Variants in GINM1 observed in about 807,000 individuals in gnomAD.
GINM1 encodes the protein glycosylated integral membrane protein 1, also known as glycoprotein integral membrane protein 1.
Under a neutral mutation model 37.8 loss-of-function variants are expected in GINM1, and 29 were observed. That is an observed-to-expected ratio of 0.77 (90% confidence interval 0.57 to 1.05). The LOEUF is 1.05. Among genes scored for constraint, GINM1 ranks in the 50% least tolerant of loss-of-function variants. The pLI is 0.00. For synonymous variants in GINM1, 143 were observed against 146.2 expected, an observed-to-expected ratio of 0.98 and a Z score of 0.16; for missense variants, 377 against 397.9, an observed-to-expected ratio of 0.95 and a Z score of 0.45.
intron 7 of GINM1, among the ~76,000 whole-genome samples, chr6:149,590,266 A>G (rs1183018992): frequency 1.3e-5 from 2 of 152,222 alleles, no homozygotes; most frequent in African/African-American, 4.8e-5. Context: ...TGATGTTCTT[A>G]TTAGAATAAC....
At chr6:149,570,146 A>G (rs1220418327) in intron 1 of GINM1, among the ~76,000 whole-genome samples, 1 of 8,394 alleles carries the variant, frequency 1.2e-4, no homozygotes. Flanking sequence ...TTATATATAT[A>G]TATATATATA....
intron 7 of GINM1, among the ~76,000 whole-genome samples, chr6:149,587,004 TC>T (rs1778079376): frequency 6.6e-6 from 1 of 152,134 alleles, no homozygotes; most frequent in African/African-American, 2.4e-5. Flanking sequence ...GGTCTCAAAC[TC>T]CTGGGGTCAA....
intron 3 of GINM1, among the ~76,000 whole-genome samples, chr6:149,573,602 G>A (rs371988886): frequency 3.9e-5 from 6 of 152,168 alleles, no homozygotes; most frequent in Middle Eastern, 3.4e-3. Context: ...GCATAGAGGC[G>A]GGGCATGGCG....
intron 7 of GINM1, among the ~76,000 whole-genome samples, chr6:149,586,010 C>T (rs947990525): frequency 3.3e-5 from 5 of 152,118 alleles, no homozygotes; most frequent in African/African-American, 1.2e-4. Flanking sequence ...ATTTCTTGTT[C>T]AGTGTTAGTT....
chr6:149,576,575 G>C (rs1777917763), intron 3 of GINM1, among the ~76,000 whole-genome samples: 1 of 151,916 alleles, frequency 6.6e-6, no homozygotes, highest in Non-Finnish European at 1.5e-5. Flanking sequence ...AGATAGCAAG[G>C]CTGTCTCTTT....
chr6:149,569,140 T>C (rs1777769367), intron 1 of GINM1, among the ~76,000 whole-genome samples: 1 of 152,042 alleles, frequency 6.6e-6, no homozygotes, highest in African/African-American at 2.4e-5. Flanking sequence ...TTCAAGTGAT[T>C]CTCCTGCCTC....
intron 3 of GINM1, among the ~76,000 whole-genome samples, chr6:149,576,624 CGATA>C (rs751281623): frequency 1.2e-4 from 18 of 151,920 alleles, no homozygotes; most frequent in Non-Finnish European, 1.8e-4. Flanking sequence ...ATTCATAGAT[CGATA>C]GATAGATAGG....
rs1310567140 is a variant in GINM1, at chr6:149,566,712, A to G, written c.120+178A>G. On this transcript the variant is annotated intron_variant, in intron 1 of 7. Transcript: ENST00000367419. The surrounding 1 kb of genome is among the most constrained non-coding windows in gnomAD (Gnocchi z 4.4). ...GGGGGCGGCGTGGGAGGCCGAGGTA[A>G]GAGGAAAGGGACCCACTGGGGCTGC... 6.6e-6 allele frequency among the ~76,000 whole-genome samples: 1 copy of G among 152,060 alleles called. No individual in the cohort carries two copies. The highest frequency in any genetic ancestry group is 1.5e-5 in the Non-Finnish European group (1 of 67,984).
chr6:149,589,861 C>G (rs544266928), intron 7 of GINM1, among the ~76,000 whole-genome samples: 1 of 152,024 alleles, frequency 6.6e-6, no homozygotes, highest in African/African-American at 2.4e-5. Context: ...TGCAGTGGCA[C>G]GATCTCGGCT....
chr6:149,577,940 C>T (rs1037754025), intron 3 of GINM1: 2 of 152,168 alleles, frequency 1.3e-5, no homozygotes, highest in African/African-American at 2.4e-5. Context: ...TAGAGAAGAA[C>T]GTGGACAATA....
chr6:149,586,987 C>A (rs1778079235), intron 7 of GINM1, among the ~76,000 whole-genome samples: 1 of 151,932 alleles, frequency 6.6e-6, no homozygotes, highest in African/African-American at 2.4e-5. Flanking sequence ...CCAGGTTGGC[C>A]CAGGCTGGTC....
chr6:149,589,711 T>C (rs577777991), intron 7 of GINM1, among the ~76,000 whole-genome samples: 13 of 152,382 alleles, frequency 8.5e-5, no homozygotes, highest in Admixed American at 2.6e-4. Flanking sequence ...TAAATTTCCA[T>C]ATATGTTAGT....
intron 3 of GINM1, among the ~76,000 whole-genome samples, chr6:149,573,060 C>T (rs1306695297): frequency 2.6e-5 from 4 of 152,146 alleles, no homozygotes; most frequent in Admixed American, 1.3e-4. Flanking sequence ...CAGTGGCTCA[C>T]GCCTGTAATC....
intron 7 of GINM1, among the ~76,000 whole-genome samples, chr6:149,587,292 A>G (rs1345783254): frequency 6.6e-6 from 1 of 152,192 alleles, no homozygotes; most frequent in Non-Finnish European, 1.5e-5. Context: ...AGTGGACACC[A>G]GCTGGGTGTC....
chr6:149,580,721 A>G lies in GINM1; in HGVS notation c.715A>G (p.Lys239Glu), dbSNP rs1383681828. Residue 239 changes from lysine (K) to glutamate (E), a missense_variant and splice_region_variant, in exon 6 of 8, where the codon AAG becomes GAG. By Grantham distance (56) the Lys-to-Glu change is moderately conservative. Coordinates refer to ENST00000367419, the MANE Select transcript of GINM1 (RefSeq NM_138785.5). ...PLRAEPPSSY[K>E]VMCQWMEKFR... ...CAGAGCAGAGCCGCCATCTTCATAT[A>G]AGGTAAATCAAGTATTTGGTGTTAT... 2 of 1,613,462 alleles carry G rather than the reference A, an allele frequency of 1.2e-6. No homozygotes were observed. Among genetic ancestry groups the G allele is most frequent in the Non-Finnish European group, 8.5e-7 (1 of 1,179,624 alleles).
chr6:149,590,739 G>A lies in GINM1; in HGVS notation c.894G>A (p.Gln298=). The change falls in exon 8 of 8, where the codon CAG becomes CAA. Residue 298 remains glutamine (Q), a synonymous_variant. Coordinates refer to ENST00000367419, the MANE Select transcript of GINM1 (RefSeq NM_138785.5). ...CTTTCTATTTCAGAGGAATTCTTCAGTTGGATAAAGTGGACGTCATACCTG... is the reference window on the plus strand; with the variant it reads ...CTTTCTATTTCAGAGGAATTCTTCAATTGGATAAAGTGGACGTCATACCTG... ...FPVSEYKGIL[Q]LDKVDVIPVT... is the part of the protein sequence containing the mutation. The A allele has an allele frequency of 2.6e-6, 4 of 1,547,536 alleles. No individual in the cohort carries two copies. Among genetic ancestry groups the A allele is most frequent in the Middle Eastern group, 1.7e-4 (1 of 5,932 alleles).
At chr6:149,570,018 G>A (rs944403403) in intron 1 of GINM1, among the ~76,000 whole-genome samples, 1 of 151,434 alleles carries the variant, frequency 6.6e-6, no homozygotes. Flanking sequence ...CCCTTTTGCA[G>A]TGAAATCATT....
At chr6:149,576,336 C>T (rs1370892788) in intron 3 of GINM1, 1 of 152,124 alleles carries the variant, frequency 6.6e-6, no homozygotes, top group African/African-American at 2.4e-5. Context: ...CTAGCTTCAT[C>T]GAGAGGACAA....
chr6:149,579,695 C>CA (rs552907905), intron 4 of GINM1, 139 bp from the exon 5 acceptor site: 43,075 of 386,046 alleles, frequency 0.11, 6 homozygotes, highest in East Asian at 0.13. Context: ...AACTCCATCT[C>CA]AAAAAAAAAA....
Sources: gnomAD v4.1 joint callset for allele counts (sites outside exome capture counted in the v4.1 genomes callset) on GRCh38, gnomAD v4.1.1 for gene constraint, Gnocchi (gnomAD v3.1) non-coding constraint, MANE v1.5 for transcripts, NCBI Gene and HGNC (gene_info 2026-07-23, HGNC 2026-07-21) for gene names.